Variants in A1CF observed in about 807,000 individuals in gnomAD.
A1CF encodes the protein APOBEC-1 stimulating protein.
A neutral mutation model predicts 68.9 loss-of-function variants in A1CF; 48 were observed. The ratio of observed to expected loss-of-function variants is 0.70; its 90% CI spans 0.55 to 0.89. The LOEUF (loss-of-function observed/expected upper bound fraction) is 0.89, where lower values mean the gene tolerates loss of function less well. Ranked by LOEUF, A1CF falls within the 40% of genes least tolerant of loss-of-function variation. A1CF has a pLI of 0.00. For missense variants in A1CF, 653 were observed against 718.9 expected, an observed-to-expected ratio of 0.91 and a Z score of 1.05; for synonymous variants, 272 against 260.4, an observed-to-expected ratio of 1.04 and a Z score of -0.43.
At chr10:50,825,248 C>T (rs1838862297) in intron 7 of A1CF, among the ~76,000 whole-genome samples, 1 of 152,026 alleles carries the variant, frequency 6.6e-6, no homozygotes, top group African/African-American at 2.4e-5. Flanking sequence ...TTATTAACAA[C>T]CTAGATAATT....
intron 7 of A1CF, 69 bp from the exon 8 acceptor site, chr10:50,820,718 A>G: frequency 7.7e-7 from 1 of 1,290,388 alleles, no homozygotes; most frequent in Non-Finnish European, 1.1e-6. Context: ...ATATTTTAGC[A>G]TCTAGCTGCA....
chr10:50,881,153 C>A (rs957123672), intron 1 of A1CF, among the ~76,000 whole-genome samples: 8 of 152,126 alleles, frequency 5.3e-5, no homozygotes, highest in Non-Finnish European at 1.2e-4. Context: ...CCATGCCTGG[C>A]TAATTTTTGT....
chr10:50,861,388 T>C (rs1253504878), intron 2 of A1CF, among the ~76,000 whole-genome samples: 1 of 149,692 alleles, frequency 6.7e-6, no homozygotes. Flanking sequence ...CTAGTAGTAA[T>C]GACAGTGCTA....
chr10:50,836,350 T>C, intron 5 of A1CF, 38 bp from the exon 6 acceptor site: 2 of 1,584,596 alleles, frequency 1.3e-6, no homozygotes, highest in Non-Finnish European at 1.7e-6. Context: ...ATGAGAATCC[T>C]TGTAGGATTC....
In A1CF at chr10:50,884,803, G is replaced by A. The variant is rs74522364; in HGVS notation, c.-94+778C>T. On this transcript the variant is annotated intron_variant, in intron 1 of 12. Coordinates refer to ENST00000373997, the MANE Select transcript of A1CF (RefSeq NM_014576.4). ...AGTTTAGGGGGTTTCTGGTAAAAAT[G>A]GGATATTTTTGGTAAATGTCCAGAT... 8.2e-4 allele frequency among the ~76,000 whole-genome samples: 125 copies of A among 152,238 alleles called. 2 individuals are homozygous for A. Among genetic ancestry groups the A allele is most frequent in the East Asian group, 6.2e-3 (32 of 5,180 alleles).
intron 1 of A1CF, among the ~76,000 whole-genome samples, chr10:50,868,906 G>A (rs1841121098): frequency 6.6e-6 from 1 of 152,092 alleles, no homozygotes; most frequent in Non-Finnish European, 1.5e-5. Context: ...AATACCATAT[G>A]TTCTCACATA....
Position 50,805,452 on chromosome 10 carries a change from A to C in A1CF, c.*1277T>G, listed in dbSNP as rs767833377. 6.6e-6 allele frequency: 1 copy of C among 152,060 alleles called. No individual in the cohort carries two copies. Among genetic ancestry groups the C allele is most frequent in the African/African-American group, 2.4e-5 (1 of 41,416 alleles). The allele number at this position is 152,060 out of a possible 1,614,324, so 9.4% of individuals were successfully genotyped here. On this transcript the variant is annotated 3_prime_UTR_variant, in exon 13 of 13. Transcript: ENST00000373997. ...TTTGTAGCACCGTTGCCCTCCCCTC[A>C]CTTCATCATCAGATATTTCTGGAGA...
intron 3 of A1CF, among the ~76,000 whole-genome samples, chr10:50,858,679 C>G (rs1840599022): frequency 6.6e-6 from 1 of 151,856 alleles, no homozygotes; most frequent in Non-Finnish European, 1.5e-5. Context: ...TAAAAAGATT[C>G]AAAAACATTC....
At chr10:50,852,957 C>T (rs1050818063) in intron 3 of A1CF, among the ~76,000 whole-genome samples, 1 of 152,118 alleles carries the variant, frequency 6.6e-6, no homozygotes, top group Non-Finnish European at 1.5e-5. Flanking sequence ...GAACGGTATT[C>T]TAATTAGACT....
At chr10:50,858,455 A>C (rs967874362) in intron 3 of A1CF, among the ~76,000 whole-genome samples, 16 of 152,098 alleles carry the variant, frequency 1.1e-4, no homozygotes, top group Non-Finnish European at 2.1e-4. Context: ...TCTTGTATTT[A>C]TACATTTAAG....
At chr10:50,863,120 TATA>T (rs2082706667) in intron 2 of A1CF, 1 of 152,228 alleles carries the variant, frequency 6.6e-6, no homozygotes, top group African/African-American at 2.4e-5. Flanking sequence ...AGAAAATCTG[TATA>T]ATATCTCAAT....
intron 1 of A1CF, among the ~76,000 whole-genome samples, chr10:50,877,004 C>G (rs1049389466): frequency 6.6e-6 from 1 of 152,160 alleles, no homozygotes; most frequent in Non-Finnish European, 1.5e-5. Flanking sequence ...CTACAGGTGA[C>G]TGTTGTGCTA....
intron 7 of A1CF, among the ~76,000 whole-genome samples, chr10:50,826,536 TC>T (rs1838946603): frequency 6.6e-6 from 1 of 152,140 alleles, no homozygotes; most frequent in Non-Finnish European, 1.5e-5. Context: ...AAACTAAGCT[TC>T]ATAAGCAAAG....
chr10:50,834,122 C>T (rs1839377012), intron 6 of A1CF, among the ~76,000 whole-genome samples: 1 of 152,094 alleles, frequency 6.6e-6, no homozygotes, highest in Non-Finnish European at 1.5e-5. Flanking sequence ...GGCCAATGTG[C>T]CATTCTCCCT....
chr10:50,852,692 T>C (rs1293052535), intron 3 of A1CF, among the ~76,000 whole-genome samples: 1 of 152,130 alleles, frequency 6.6e-6, no homozygotes, highest in Non-Finnish European at 1.5e-5. Flanking sequence ...GAAGTCAAAT[T>C]CCTATTTCTG....
chr10:50,814,475 A>C (rs934308252), intron 9 of A1CF, among the ~76,000 whole-genome samples: 3 of 152,198 alleles, frequency 2.0e-5, no homozygotes, highest in African/African-American at 7.2e-5. Flanking sequence ...GTCACTGATC[A>C]GTATATCAGA....
rs756033690 is a variant in A1CF, at chr10:50,816,036, T to G, written c.1111A>C (p.Arg371=). 3 of 1,613,782 alleles carry G rather than the reference T, an allele frequency of 1.9e-6. No homozygotes were observed. Among genetic ancestry groups the G allele is most frequent in the Non-Finnish European group, 1.7e-6 (2 of 1,179,778 alleles). The change falls in exon 9 of 13, where the codon AGA becomes CGA. Residue 371 remains arginine (R), a synonymous_variant. Coordinates refer to ENST00000373997, the MANE Select transcript of A1CF (RefSeq NM_014576.4). ...ACAGAAGGGGCTCGGATAATGGCTC[T>G]GTTGCTGAGATGTCCTTTGGTGGCT... is the stretch of plus-strand genomic sequence containing the variant. ...FPATKGHLSN[R]AIIRAPSVRG...
At chr10:50,866,343 C>A (rs1589039056) in intron 1 of A1CF, among the ~76,000 whole-genome samples, 1 of 152,242 alleles carries the variant, frequency 6.6e-6, no homozygotes, top group Non-Finnish European at 1.5e-5. Context: ...ACCAAGAAAA[C>A]AAAGATCTAG....
At position 50,801,308 on chromosome 10, in the gene A1CF, G is replaced by A. The variant is rs1837591228; in HGVS notation, c.*5421C>T. The A allele has an allele frequency of 6.6e-6, 1 of 152,172 alleles. No homozygotes were observed. Among genetic ancestry groups the A allele is most frequent in the Non-Finnish European group, 1.5e-5 (1 of 68,036 alleles). The allele number at this position is 152,172 out of a possible 1,614,324, so 9.4% of individuals were successfully genotyped here. ...GAAGTAGCTAGGCTCTTTAGTTTAA[G>A]CTGTTATCTGCTTTGGAGAAGACAA... is the stretch of plus-strand genomic sequence containing the variant. On this transcript the variant is annotated 3_prime_UTR_variant, in exon 13 of 13. Transcript: ENST00000373997.
Sources: allele counts gnomAD v4.1 joint callset (sites outside exome capture counted in the v4.1 genomes callset), GRCh38; gene constraint gnomAD v4.1.1; transcripts MANE v1.5; gene names NCBI Gene and HGNC (gene_info 2026-07-23, HGNC 2026-07-21).